The following ZMAT4 variants were observed in gnomAD, a reference collection of about 807,000 sequenced individuals.
The protein encoded by ZMAT4 is zinc finger matrin-type protein 4.
In ZMAT4, 17 loss-of-function variants were observed where a neutral mutation model predicts 28.7. The observed-to-expected ratio is 0.59, with a 90% confidence interval of 0.41 to 0.89. The LOEUF (loss-of-function observed/expected upper bound fraction) is 0.89. ZMAT4 is among the 40% of genes least tolerant of loss of function. The probability of loss-of-function intolerance (pLI) is 0.00; values close to 1 mark genes in which losing one functional copy is unlikely to be tolerated. For synonymous variants in ZMAT4, 117 were observed against 109.2 expected (o/e 1.07, Z -0.44); for missense variants, 240 against 283.8 (o/e 0.85, Z 1.11).
At chr8:40,644,320 C>CTGAAATGGTTAT (rs1332342208) in intron 5 of ZMAT4, among the ~76,000 whole-genome samples, 43 of 152,184 alleles carry the variant, frequency 2.8e-4, no homozygotes, top group African/African-American at 9.6e-4. Flanking sequence ...ATGGTTATTT[C>CTGAAATGGTTAT]TAGGACTGAG....
chr8:40,834,864 G>A (rs778667525), intron 1 of ZMAT4, among the ~76,000 whole-genome samples: 2 of 152,190 alleles, frequency 1.3e-5, no homozygotes, highest in Non-Finnish European at 2.9e-5. Flanking sequence ...GGGACTAGCA[G>A]AGACTCTGCA....
intron 5 of ZMAT4, among the ~76,000 whole-genome samples, chr8:40,668,799 A>AT (rs1361921776): frequency 1.3e-5 from 2 of 151,352 alleles, no homozygotes; most frequent in East Asian, 1.9e-4. Context: ...AACAACAACC[A>AT]TTTTTCTGTA....
chr8:40,869,599 A>G (rs559042613), intron 1 of ZMAT4, among the ~76,000 whole-genome samples: 1 of 152,338 alleles, frequency 6.6e-6, no homozygotes, highest in East Asian at 1.9e-4. Flanking sequence ...TTGAAGCTCT[A>G]TTAGGGCAGG....
intron 3 of ZMAT4, among the ~76,000 whole-genome samples, chr8:40,709,976 G>A (rs968625539): frequency 6.6e-5 from 10 of 151,340 alleles, no homozygotes; most frequent in African/African-American, 2.2e-4. Flanking sequence ...AGGTGGAGGT[G>A]GCAGTGAGCC....
intron 2 of ZMAT4, among the ~76,000 whole-genome samples, chr8:40,807,824 A>G (rs757573746): frequency 1.3e-5 from 2 of 152,248 alleles, no homozygotes; most frequent in Non-Finnish European, 2.9e-5. Context: ...AGCATCACCA[A>G]TATCAATTAT....
intron 2 of ZMAT4, among the ~76,000 whole-genome samples, chr8:40,769,696 C>T (rs1288624291): frequency 6.6e-6 from 1 of 151,962 alleles, no homozygotes; most frequent in African/African-American, 2.4e-5. Flanking sequence ...TTCACATTCC[C>T]TGCATTATCA....
intron 5 of ZMAT4, among the ~76,000 whole-genome samples, chr8:40,650,836 T>A (rs922128476): frequency 2.0e-5 from 3 of 151,692 alleles, no homozygotes; most frequent in Non-Finnish European, 2.9e-5. Flanking sequence ...CACATGATTA[T>A]CTCAATAGAT....
intron 5 of ZMAT4, among the ~76,000 whole-genome samples, chr8:40,584,280 G>A (rs530793169): frequency 3.3e-5 from 5 of 152,230 alleles, no homozygotes; most frequent in Admixed American, 2.6e-4. Context: ...AGCCCTGGAG[G>A]AGCCAGAGCA....
At chr8:40,589,763 T>TCTTTCTTTCTTTCTTTCTTTCTTTCTTC (rs71224835) in intron 5 of ZMAT4, among the ~76,000 whole-genome samples, 1 of 27,914 alleles carries the variant, frequency 3.6e-5, no homozygotes, top group Non-Finnish European at 9.3e-5. Context: ...TTTCTTTCTT[T>TCTTTCTTTCTTTCTTTCTTTCTTTCTTC]TTCTTTCTTT....
At chr8:40,564,256 C>A (rs1368790974) in intron 6 of ZMAT4, among the ~76,000 whole-genome samples, 1 of 152,114 alleles carries the variant, frequency 6.6e-6, no homozygotes, top group Non-Finnish European at 1.5e-5. Context: ...CAATATTTAA[C>A]TCACTGAGTT....
At position 40,667,186 on chromosome 8, in the gene ZMAT4, C is replaced by T. The variant is rs951803069; in HGVS notation, c.577+7518G>A. Among the ~76,000 whole-genome samples the T allele has an allele frequency of 2.4e-4, 37 of 151,168 alleles. 1 individual carries two copies. The highest frequency in any genetic ancestry group is 4.7e-4 in the Non-Finnish European group (32 of 67,910). ...TATTTTTTTCTTTGAGACAGAGTCT[C>T]GCTCTGTCGCCTAGGCTGGAGTGCA... On this transcript the variant is annotated intron_variant, in intron 5 of 6. Transcript: ENST00000297737.
In ZMAT4 at chr8:40,688,931, C is replaced by G. The variant is rs575090298; in HGVS notation, c.349+8314G>C. 6.6e-5 allele frequency among the ~76,000 whole-genome samples: 10 copies of G among 152,266 alleles called. No homozygotes were observed. In the South Asian group the frequency reaches 2.1e-3, roughly 32 times the overall value. Reference sequence around the variant, plus strand: ...AGCAAATGGATTTGTGTTGAGTTGTCTGAGAGGCAAAGGGATCTGAATGTC... The same window carrying G: ...AGCAAATGGATTTGTGTTGAGTTGTGTGAGAGGCAAAGGGATCTGAATGTC... On this transcript the variant is annotated intron_variant, in intron 4 of 6. Transcript: ENST00000297737.
intron 3 of ZMAT4, among the ~76,000 whole-genome samples, chr8:40,705,299 C>A (rs767827081): frequency 2.0e-5 from 3 of 152,124 alleles, no homozygotes; most frequent in Non-Finnish European, 4.4e-5. Flanking sequence ...GCCCCACTAA[C>A]CAAGAGAAGT....
chr8:40,823,146 G>T (rs540840890), intron 2 of ZMAT4, among the ~76,000 whole-genome samples: 1 of 151,828 alleles, frequency 6.6e-6, no homozygotes, highest in Non-Finnish European at 1.5e-5. Context: ...CCCCCTCCAC[G>T]AACCCTCACT....
At chr8:40,567,366 T>A (rs1803954897) in intron 6 of ZMAT4, among the ~76,000 whole-genome samples, 6 of 152,116 alleles carry the variant, frequency 3.9e-5, no homozygotes. Flanking sequence ...ATATTCTGAA[T>A]GAGGTATAGA....
intron 4 of ZMAT4, among the ~76,000 whole-genome samples, chr8:40,696,458 C>T (rs1462401503): frequency 6.6e-6 from 1 of 152,160 alleles, no homozygotes; most frequent in Non-Finnish European, 1.5e-5. Context: ...AATACGCCCC[C>T]AACTTCTCTG....
chr8:40,554,946 C>G (rs1803483383), intron 6 of ZMAT4, among the ~76,000 whole-genome samples: 1 of 152,104 alleles, frequency 6.6e-6, no homozygotes, highest in Non-Finnish European at 1.5e-5. Flanking sequence ...ATCAATTTCT[C>G]TTAATTCCAC....
intron 1 of ZMAT4, among the ~76,000 whole-genome samples, chr8:40,848,951 A>C (rs1421810201): frequency 3.9e-5 from 6 of 152,204 alleles, no homozygotes; most frequent in Non-Finnish European, 8.8e-5. Context: ...ATGACTCCAG[A>C]CTCAGCAGCA....
At chr8:40,801,488 T>C (rs1480808648) in intron 2 of ZMAT4, among the ~76,000 whole-genome samples, 6 of 151,216 alleles carry the variant, frequency 4.0e-5, no homozygotes, top group Admixed American at 4.0e-4. Context: ...GCCAACATGC[T>C]GAAACCCTGT....
Sources: gnomAD v4.1 joint callset for allele counts (sites outside exome capture counted in the v4.1 genomes callset) on GRCh38, gnomAD v4.1.1 for gene constraint, MANE v1.5 for transcripts, NCBI Gene and HGNC (gene_info 2026-07-23, HGNC 2026-07-21) for gene names.